The following LSM11 variants were observed in gnomAD, a reference collection of about 807,000 sequenced individuals.
LSM11 encodes the protein LSM11, U7 small nuclear RNA associated.
Under a neutral mutation model 28.1 loss-of-function variants are expected in LSM11, and 14 were observed. The ratio of observed to expected loss-of-function variants is 0.50; its 90% CI spans 0.33 to 0.78. LSM11 has a LOEUF of 0.78. Ranked by LOEUF, LSM11 falls within the 30% of genes least tolerant of loss-of-function variation. The pLI is 0.02. For synonymous variants in LSM11, 207 were observed against 214.2 expected (o/e 0.97, Z 0.30); for missense variants, 495 against 510.6 (o/e 0.97, Z 0.30).
rs2113078570 is a variant in LSM11 at position 157,755,108 on chromosome 5, G to A, written c.927G>A (p.Val309=). The part of the protein sequence containing the change: ...GRTTRTDGSS[V]GGTFSRATTL... ...CTACACGGACAGACGGCTCCAGTGT[G>A]GGAGGTACCTTTTCCAGGGCTACCA... Residue 309 remains valine, a synonymous_variant, in exon 4 of 4, where the codon GTG becomes GTA. Transcript: ENST00000286307. 1.2e-6 allele frequency: 2 copies of A among 1,614,216 alleles called. No individual in the cohort carries two copies. Among genetic ancestry groups the A allele is most frequent in the Non-Finnish European group, 1.7e-6 (2 of 1,180,044 alleles).
chr5:157,749,969 A>G (rs1292386017), intron 1 of LSM11, among the ~76,000 whole-genome samples: 2 of 152,218 alleles, frequency 1.3e-5, no homozygotes, highest in African/African-American at 4.8e-5. Context: ...GAGATTTTTC[A>G]TTTGTCTACT....
chr5:157,744,793 A>G (rs1465802645), intron 1 of LSM11, among the ~76,000 whole-genome samples: 2 of 152,098 alleles, frequency 1.3e-5, no homozygotes, highest in Non-Finnish European at 2.9e-5. Flanking sequence ...TAATCCCATA[A>G]CCCCTGTACA....
intron 1 of LSM11, 28 bp downstream of exon 1, chr5:157,744,226 G>A: frequency 8.0e-7 from 1 of 1,249,428 alleles, no homozygotes; most frequent in Non-Finnish European, 1.0e-6. Context: ...GCGGGAAGCG[G>A]GGCAGCCGCC....
At chr5:157,749,021 C>G (rs541518519) in intron 1 of LSM11, among the ~76,000 whole-genome samples, 1 of 152,148 alleles carries the variant, frequency 6.6e-6, no homozygotes, top group Admixed American at 6.5e-5. Flanking sequence ...GCGGTTTGCT[C>G]TGATAGGTGG....
chr5:157,751,456 A>G lies in LSM11; in HGVS notation c.515A>G (p.His172Arg), dbSNP rs986045796. The change falls in exon 2 of 4, where the codon CAC becomes CGC. Residue 172 changes from histidine (H) to arginine (R), a missense_variant. Coordinates refer to ENST00000286307, the MANE Select transcript of LSM11 (RefSeq NM_173491.4). Reference sequence around the variant, plus strand: ...CGTGAGGGGGTGAAGGTGAATGTTCACATCCGCACTTTCAAGGGACTTCGG... The same window carrying G: ...CGTGAGGGGGTGAAGGTGAATGTTCGCATCCGCACTTTCAAGGGACTTCGG... Reference protein sequence around the residue: ...CIREGVKVNVHIRTFKGLRGV... With the variant: ...CIREGVKVNVRIRTFKGLRGV... The G allele has an allele frequency of 6.2e-7, 1 of 1,612,860 alleles. No homozygotes were observed. The highest frequency in any genetic ancestry group is 2.2e-5 in the East Asian group (1 of 44,844).
Position 157,752,225 on chromosome 5 carries a change from A to G in LSM11, c.588+696A>G, listed in dbSNP as rs569252192. ...CACCCAGGCTGGAGTGCAGTGGCAC[A>G]ATCTCAGCTCACTGCAACCTCCGCC... On this transcript the variant is annotated intron_variant, in intron 2 of 3. Coordinates refer to ENST00000286307, the MANE Select transcript of LSM11 (RefSeq NM_173491.4). Among the ~76,000 whole-genome samples, 4 of 150,766 alleles carry G rather than the reference A, an allele frequency of 2.7e-5. No individual in the cohort carries two copies. In the East Asian group the frequency reaches 7.9e-4, roughly 30 times the overall value.
chr5:157,744,538 G>A (rs1052110011), intron 1 of LSM11, among the ~76,000 whole-genome samples: 1 of 152,290 alleles, frequency 6.6e-6, no homozygotes, highest in East Asian at 1.9e-4. Flanking sequence ...CCTGCCGAGA[G>A]GGTCTACAGG....
At chr5:157,753,095 A>ATTC (rs1305426595) in intron 2 of LSM11, among the ~76,000 whole-genome samples, 1 of 152,196 alleles carries the variant, frequency 6.6e-6, no homozygotes, top group African/African-American at 2.4e-5. Flanking sequence ...GAAGAAATTG[A>ATTC]TTCTAGAGAG....
chr5:157,754,516 A>T (rs1168034540), intron 3 of LSM11, among the ~76,000 whole-genome samples: 3 of 151,812 alleles, frequency 2.0e-5, no homozygotes, highest in Admixed American at 2.0e-4. Flanking sequence ...ACACGGTGAA[A>T]CCCCATCTCT....
At chr5:157,752,026 T>C (rs1007267675) in intron 2 of LSM11, among the ~76,000 whole-genome samples, 1 of 152,242 alleles carries the variant, frequency 6.6e-6, no homozygotes, top group Non-Finnish European at 1.5e-5. Context: ...AAAACATTTA[T>C]TGACTTCCCA....
chr5:157,755,057 G>A lies in LSM11; in HGVS notation c.876G>A (p.Glu292=), dbSNP rs139309711. The change falls in exon 4 of 4, where the codon GAG becomes GAA. Residue 292 remains glutamate (E), a synonymous_variant. Coordinates refer to ENST00000286307, the MANE Select transcript of LSM11 (RefSeq NM_173491.4). The part of the protein sequence containing the change: ...PSSLQASARE[E]SRSELSGRTT... ...CCCTGCAGGCCTCTGCAAGGGAGGA[G>A]TCCAGGTCAGAGCTGTCAGGGAGGA... 15 of 1,614,222 alleles carry A rather than the reference G, an allele frequency of 9.3e-6. No homozygotes were observed. In the African/African-American group the frequency reaches 9.3e-5, roughly 10 times the overall value.
chr5:157,755,539 T>C lies in LSM11; in HGVS notation c.*275T>C, dbSNP rs1761310454. ...TTACTTCAGACCCTGAAACCAAATA[T>C]CTGATCTTCCATTAGACTTAGGGGT... On this transcript the variant is annotated 3_prime_UTR_variant, in exon 4 of 4. Transcript: ENST00000286307. The C allele has an allele frequency of 3.7e-6, 2 of 534,832 alleles. No homozygotes were observed. The highest frequency in any genetic ancestry group is 6.5e-6 in the Non-Finnish European group (2 of 305,560). 33.1% of individuals were successfully genotyped at this position (534,832 alleles called of 1,614,324 possible). A position where few individuals can be genotyped will look rare whatever the true frequency, so the allele number is the denominator to read the frequency against.
chr5:157,749,411 A>G (rs1049507330), intron 1 of LSM11, among the ~76,000 whole-genome samples: 3 of 152,264 alleles, frequency 2.0e-5, no homozygotes, highest in Admixed American at 6.5e-5. Flanking sequence ...TAGTCCTGAA[A>G]TAAATCTACA....
chr5:157,754,004 G>A lies in LSM11; in HGVS notation c.589G>A (p.Ala197Thr). The A allele has an allele frequency of 6.5e-7, 1 of 1,533,694 alleles. No homozygotes were observed. The highest frequency in any genetic ancestry group is 1.3e-5 in the South Asian group (1 of 77,698). The change falls in exon 3 of 4, where the codon GCA becomes ACA. Residue 197 changes from alanine (A) to threonine (T), a missense_variant and splice_region_variant. By Grantham distance (58) the Ala-to-Thr change is moderately conservative. Coordinates refer to ENST00000286307, the MANE Select transcript of LSM11 (RefSeq NM_173491.4). ...TTTTCCTTTTGGGCTGTTCCTCTAG[G>A]CACTTACTGATGTGGATGAGACCTA... The part of the protein sequence containing the change: ...LVAFDKFWNM[A>T]LTDVDETYRK...
At position 157,755,229 on chromosome 5, in the gene LSM11, G is replaced by T; in HGVS notation, c.1048G>T (p.Gly350Cys). ...TRHINQIFIR[G>C]ENVLLVHLAQ ...ACACATAAATCAGATTTTCATTCGA[G>T]GCGAGAATGTCCTGCTGGTTCATCT... The change falls in exon 4 of 4, where the codon GGC (glycine) becomes TGC (cysteine). Residue 350 changes from glycine to cysteine, a missense_variant. By Grantham distance (159) the Gly-to-Cys change is radical (BLOSUM62 -3). Transcript: ENST00000286307. 1 of 1,614,192 alleles carries T rather than the reference G, an allele frequency of 6.2e-7. No homozygotes were observed. The highest frequency in any genetic ancestry group is 1.1e-5 in the South Asian group (1 of 91,074).
In LSM11 at chr5:157,754,745, G is replaced by A. The variant is rs367962888; in HGVS notation, c.673-109G>A. 54 of 773,246 alleles carry A rather than the reference G, an allele frequency of 7.0e-5. No homozygotes were observed. The South Asian group carries it at 9.1e-4, about 13-fold the overall frequency. 47.9% of individuals were successfully genotyped at this position (773,246 alleles called of 1,614,324 possible). On this transcript the variant is annotated intron_variant, in intron 3 of 3. Transcript: ENST00000286307. ...TTACTAACTTTTAAAAAATTGCAAA[G>A]CAAGGAGTCCACAGAACATAATTAA...
intron 1 of LSM11, among the ~76,000 whole-genome samples, chr5:157,748,188 G>T (rs1761174663): frequency 6.6e-6 from 1 of 152,182 alleles, no homozygotes; most frequent in Non-Finnish European, 1.5e-5. Flanking sequence ...TTCCATTGCA[G>T]ACTCATAAGG....
At position 157,756,317 on chromosome 5, in the gene LSM11, T is replaced by G. The variant is rs1761327361; in HGVS notation, c.*1053T>G. The G allele has an allele frequency of 6.5e-6, 1 of 152,674 alleles. No individual in the cohort carries two copies. The highest frequency in any genetic ancestry group is 1.9e-4 in the East Asian group (1 of 5,200). The allele number at this position is 152,674 out of a possible 1,614,324, so 9.5% of individuals were successfully genotyped here. ...GGTAGTGTCTAAAGCGACACTTTAC[T>G]CACAGCCTGGCTTGAGTCAACAGGA... is the stretch of plus-strand genomic sequence containing the variant. On this transcript the variant is annotated 3_prime_UTR_variant, in exon 4 of 4. Transcript: ENST00000286307.
rs1554095385 is a variant in LSM11, at chr5:157,749,606, A to ACC, written c.449-1782_449-1781dup. 7.2e-3 allele frequency among the ~76,000 whole-genome samples: 1,099 copies of ACC among 151,802 alleles called. 14 individuals carry two copies. The highest frequency in any genetic ancestry group is 0.025 in the African/African-American group (1,041 of 41,342). On this transcript the variant is annotated intron_variant, in intron 1 of 3. Coordinates refer to ENST00000286307, the MANE Select transcript of LSM11 (RefSeq NM_173491.4). Reference sequence around the variant, plus strand: ...CACGCGCGCACACACACACACACACACCCACACACCCATACACACCCTTAG... The same window carrying ACC: ...CACGCGCGCACACACACACACACACACCCCCACACACCCATACACACCCTTAG...
Sources: gnomAD v4.1 joint callset for allele counts (sites outside exome capture counted in the v4.1 genomes callset) on GRCh38, gnomAD v4.1.1 for gene constraint, MANE v1.5 for transcripts, NCBI Gene and HGNC (gene_info 2026-07-23, HGNC 2026-07-21) for gene names.